Variants in CEP63 observed in about 807,000 individuals in gnomAD.
CEP63 encodes centrosomal protein 63.
Under a neutral mutation model 89.1 loss-of-function variants are expected in CEP63, and 84 were observed. The observed-to-expected ratio is 0.94, with a 90% CI of 0.79 to 1.13. The LOEUF (loss-of-function observed/expected upper bound fraction) is 1.13, where lower values mean the gene tolerates loss of function less well. CEP63 is among the 50% of genes most tolerant of loss of function. The probability of loss-of-function intolerance (pLI) is 0.00; values close to 1 mark genes in which losing one functional copy is unlikely to be tolerated. For missense variants in CEP63, 838 were observed against 813.3 expected, an observed-to-expected ratio of 1.03 and a Z score of -0.37; for synonymous variants, 267 against 272.5, an observed-to-expected ratio of 0.98 and a Z score of 0.20.
At chr3:134,583,445 C>A (rs1290512589) in intron 10 of CEP63, among the ~76,000 whole-genome samples, 1 of 152,086 alleles carries the variant, frequency 6.6e-6, no homozygotes, top group Admixed American at 6.5e-5. Flanking sequence ...GAATCCTTTC[C>A]CCATTTCTTG....
intron 6 of CEP63, among the ~76,000 whole-genome samples, chr3:134,542,265 AG>A (rs1362620215): frequency 6.6e-6 from 1 of 152,192 alleles, no homozygotes; most frequent in Non-Finnish European, 1.5e-5. Context: ...TATTTTTAAA[AG>A]CATCCTTTTC....
intron 14 of CEP63, among the ~76,000 whole-genome samples, chr3:134,560,043 C>T (rs968530169): frequency 3.9e-5 from 6 of 152,208 alleles, no homozygotes; most frequent in Admixed American, 2.0e-4. Flanking sequence ...TGCAGTATTT[C>T]TGACTTATTA....
downstream of CEP63, among the ~76,000 whole-genome samples, chr3:134,579,310 T>C (rs189025922): frequency 8.6e-6 from 1 of 115,860 alleles, no homozygotes; most frequent in East Asian, 3.1e-4. Flanking sequence ...CCGGGAATAA[T>C]GTGCTTTCCC....
At chr3:134,609,040 A>G in the CEP63 span, among the ~76,000 whole-genome samples, 1 of 152,164 alleles carries the variant, frequency 6.6e-6, no homozygotes, top group Admixed American at 6.5e-5. Context: ...CTTCTAAGGG[A>G]AGGCCACAGC....
the CEP63 span, among the ~76,000 whole-genome samples, chr3:134,755,179 C>T: frequency 6.6e-6 from 1 of 152,180 alleles, no homozygotes; most frequent in Non-Finnish European, 1.5e-5. Flanking sequence ...GATGGGAGCA[C>T]TTCAACATTC....
chr3:134,740,086 G>A, the CEP63 span, among the ~76,000 whole-genome samples: 1 of 152,112 alleles, frequency 6.6e-6, no homozygotes, highest in Non-Finnish European at 1.5e-5. Flanking sequence ...AGAACACGGA[G>A]TATCTGAGGC....
chr3:134,556,437 G>T (rs1956192086), intron 12 of CEP63, among the ~76,000 whole-genome samples: 1 of 151,950 alleles, frequency 6.6e-6, no homozygotes, highest in Admixed American at 6.6e-5. Flanking sequence ...TAAACATTTT[G>T]TAAGGGGGAA....
intron 10 of CEP63, among the ~76,000 whole-genome samples, chr3:134,580,450 C>T (rs1458443185): frequency 7.5e-6 from 1 of 134,156 alleles, no homozygotes; most frequent in Non-Finnish European, 1.6e-5. Context: ...AAATTTACAT[C>T]CCAATAAAGC....
chr3:134,618,045 C>T, the CEP63 span, among the ~76,000 whole-genome samples: 2 of 152,052 alleles, frequency 1.3e-5, no homozygotes, highest in African/African-American at 2.4e-5. Flanking sequence ...TATTCTGTAC[C>T]CTGACCCACC....
chr3:134,735,934 G>C, the CEP63 span, among the ~76,000 whole-genome samples: 1 of 152,072 alleles, frequency 6.6e-6, no homozygotes, highest in East Asian at 1.9e-4. Context: ...GTATCACCTC[G>C]ATACTAAACA....
At chr3:134,666,392 A>G in the CEP63 span, among the ~76,000 whole-genome samples, 1 of 152,294 alleles carries the variant, frequency 6.6e-6, no homozygotes, top group Non-Finnish European at 1.5e-5. Context: ...TGTTCCCAAA[A>G]AAGTCTTTCG....
chr3:134,604,432 G>T, the CEP63 span: 51 of 1,613,478 alleles, frequency 3.2e-5, 2 homozygotes, highest in South Asian at 4.9e-4. Context: ...CATGAACAGC[G>T]TCGGGGCGCA....
the CEP63 span, among the ~76,000 whole-genome samples, chr3:134,752,422 C>G: frequency 6.6e-6 from 1 of 152,106 alleles, no homozygotes; most frequent in Non-Finnish European, 1.5e-5. Flanking sequence ...GAGAGGGAAG[C>G]CCGAGGAGGA....
chr3:134,766,303 G>A, the CEP63 span, among the ~76,000 whole-genome samples: 2 of 152,234 alleles, frequency 1.3e-5, no homozygotes, highest in African/African-American at 4.8e-5. Flanking sequence ...CTCTGTGGCT[G>A]TGAGTCAAGT....
At chr3:134,526,344 G>A (rs1948637041) in intron 3 of CEP63, among the ~76,000 whole-genome samples, 1 of 152,030 alleles carries the variant, frequency 6.6e-6, no homozygotes, top group Admixed American at 6.5e-5. Context: ...ATTTCAGAAA[G>A]CCAGTCTTCA....
the CEP63 span, among the ~76,000 whole-genome samples, chr3:134,725,302 A>ATT: frequency 1.3e-5 from 2 of 151,242 alleles, no homozygotes; most frequent in Admixed American, 6.6e-5. Flanking sequence ...ACAATTTTGT[A>ATT]TTTTTTTTTA....
chr3:134,760,435 A>G, the CEP63 span, among the ~76,000 whole-genome samples: 1 of 152,234 alleles, frequency 6.6e-6, no homozygotes, highest in Non-Finnish European at 1.5e-5. Flanking sequence ...CTTCAGATAA[A>G]GAAGATGAGG....
chr3:134,528,992 G>A (rs1393676499), intron 3 of CEP63, among the ~76,000 whole-genome samples: 2 of 152,106 alleles, frequency 1.3e-5, no homozygotes, highest in Admixed American at 1.3e-4. Flanking sequence ...AATAAAAGCA[G>A]TAGCCATTGG....
At chr3:134,549,037 A>G (rs1954230100) in intron 9 of CEP63, 25 bp from the exon 10 acceptor site, 1 of 1,494,514 alleles carries the variant, frequency 6.7e-7, no homozygotes, top group East Asian at 2.3e-5. Context: ...GGTTTTAAGT[A>G]TGGGATCTTA....
Sources: gnomAD v4.1 joint callset for allele counts (sites outside exome capture counted in the v4.1 genomes callset) on GRCh38, gnomAD v4.1.1 for gene constraint, MANE v1.5 for transcripts, NCBI Gene and HGNC (gene_info 2026-07-23, HGNC 2026-07-21) for gene names.